Variants in PCDHGA2 observed in about 807,000 individuals in gnomAD.
PCDHGA2 encodes the protein protocadherin gamma-A2.
PCDHGA2 carries 40 observed loss-of-function variants against 59.2 expected under a neutral mutation model. The observed-to-expected ratio is 0.68, with a 90% CI of 0.52 to 0.88. PCDHGA2 has a LOEUF of 0.88. Ranked by LOEUF, PCDHGA2 falls within the 40% of genes least tolerant of loss-of-function variation. The pLI is 0.00. For synonymous variants in PCDHGA2, 560 were observed against 526.0 expected, an observed-to-expected ratio of 1.06 and a Z score of -0.89; for missense variants, 1,226 against 1,204.0, an observed-to-expected ratio of 1.02 and a Z score of -0.27.
At chr5:141,488,978 C>T (rs1346335195) in intron 1 of PCDHGA2, 4 of 388,976 alleles carry the variant, frequency 1.0e-5, no homozygotes, top group African/African-American at 2.1e-5. Flanking sequence ...GCCAATCAGA[C>T]TCAGAGCTGA....
intron 1 of PCDHGA2, chr5:141,342,306 C>G (rs1165066905): frequency 1.3e-5 from 2 of 152,188 alleles, no homozygotes. Flanking sequence ...TTCCCAATCC[C>G]TCACCCAATC....
In PCDHGA2 at chr5:141,404,353, A is replaced by G. The variant is rs778714799; in HGVS notation, c.2424+62958A>G. ...TCTACCTCCCGGAAAACAACGCCAGAGGTACTTCCATCTTCTCCGTGATTG... is the reference window on the plus strand; with the variant it reads ...TCTACCTCCCGGAAAACAACGCCAGGGGTACTTCCATCTTCTCCGTGATTG... On this transcript the variant is annotated intron_variant, in intron 1 of 3. Coordinates refer to ENST00000394576, the MANE Select transcript of PCDHGA2 (RefSeq NM_018915.4). 2.0e-5 allele frequency: 33 copies of G among 1,613,948 alleles called. No individual in the cohort carries two copies. In the Admixed American group the frequency reaches 5.5e-4, roughly 27 times the overall value.
intron 1 of PCDHGA2, chr5:141,430,495 T>C: frequency 3.4e-6 from 1 of 293,400 alleles, no homozygotes; most frequent in Non-Finnish European, 6.2e-6. Context: ...GAAATATCCT[T>C]TCTGGGAGTT....
rs549866784 is a variant in PCDHGA2, at chr5:141,437,490, A to G, written c.2425-57317A>G. ...TTTTATAGCATATTTAATCTCGTAGATCACTTTTCAATGAATTATAAGGCT... is the reference window on the plus strand; with the variant it reads ...TTTTATAGCATATTTAATCTCGTAGGTCACTTTTCAATGAATTATAAGGCT... On this transcript the variant is annotated intron_variant, in intron 1 of 3. Coordinates refer to ENST00000394576, the MANE Select transcript of PCDHGA2 (RefSeq NM_018915.4). 2.0e-5 allele frequency among the ~76,000 whole-genome samples: 3 copies of G among 152,308 alleles called. No homozygotes were observed. In the East Asian group the frequency reaches 5.8e-4, roughly 29 times the overall value.
chr5:141,435,940 G>A (rs2097787697), intron 1 of PCDHGA2, among the ~76,000 whole-genome samples: 1 of 152,066 alleles, frequency 6.6e-6, no homozygotes, highest in Admixed American at 6.5e-5. Flanking sequence ...CTGCTTCTGA[G>A]ACCAAAAAAG....
At chr5:141,379,889 C>CTTTTTTATTTTTTTTTTTTTTTTTTTTTT (rs1775946036) in intron 1 of PCDHGA2, among the ~76,000 whole-genome samples, 1 of 50,830 alleles carries the variant, frequency 2.0e-5, no homozygotes, top group Non-Finnish European at 3.9e-5. Context: ...GTGAAAGCCT[C>CTTTTTTATTTTTTTTTTTTTTTTTTTTTT]TTTTTTTTTT....
chr5:141,473,988 G>A (rs1006988447), intron 1 of PCDHGA2, among the ~76,000 whole-genome samples: 1 of 152,118 alleles, frequency 6.6e-6, no homozygotes, highest in African/African-American at 2.4e-5. Flanking sequence ...AGGATCCCTT[G>A]AGCCCAAGGA....
chr5:141,456,942 A>C (rs11737987), intron 1 of PCDHGA2, among the ~76,000 whole-genome samples: 42,405 of 152,066 alleles, frequency 0.28, 6,638 homozygotes, highest in African/African-American at 0.43. Flanking sequence ...CAGCCTGGGC[A>C]ACAGAGCAAA....
chr5:141,375,769 C>T, intron 1 of PCDHGA2: 1 of 1,614,238 alleles, frequency 6.2e-7, no homozygotes, highest in Non-Finnish European at 8.5e-7. Flanking sequence ...CGCCCGAGAT[C>T]CTGTACCCCG....
rs113107293 is a variant in PCDHGA2, at chr5:141,432,844, A to G, written c.2425-61963A>G. ...CAGACCTCACTCTGTACCTGGTGGTAGCGGTGGCCGCGGTCTCCTGCGTCT... is the reference window on the plus strand; with the variant it reads ...CAGACCTCACTCTGTACCTGGTGGTGGCGGTGGCCGCGGTCTCCTGCGTCT... On this transcript the variant is annotated intron_variant, in intron 1 of 3. Coordinates refer to ENST00000394576, the MANE Select transcript of PCDHGA2 (RefSeq NM_018915.4). This position sits in a 1 kb window ranked among gnomAD's most constrained non-coding sequence, Gnocchi z 6.0. 0.01 allele frequency: 16,860 copies of G among 1,614,178 alleles called. 121 individuals carry two copies. Among genetic ancestry groups the G allele is most frequent in the Non-Finnish European group, 0.012 (14,441 of 1,180,006 alleles).
Position 141,477,203 on chromosome 5 carries a change from G to T in PCDHGA2, c.2425-17604G>T. On this transcript the variant is annotated intron_variant, in intron 1 of 3. Coordinates refer to ENST00000394576, the MANE Select transcript of PCDHGA2 (RefSeq NM_018915.4). The surrounding 1 kb of genome is among the most constrained non-coding windows in gnomAD (Gnocchi z 4.9). ...CACCTCCGTGTACAGCCCAGTACCC[G>T]AGGATGCCCCTCTGGGGACTGTCAT... 1 of 1,614,176 alleles carries T rather than the reference G, an allele frequency of 6.2e-7. No individual in the cohort carries two copies. The highest frequency in any genetic ancestry group is 1.1e-5 in the South Asian group (1 of 91,082).
chr5:141,379,107 T>G (rs74510444), intron 1 of PCDHGA2: 16 of 152,328 alleles, frequency 1.1e-4, no homozygotes, highest in African/African-American at 3.6e-4. Context: ...AAAAAGCAAT[T>G]GAGAAGATAC....
chr5:141,423,150 G>A, intron 1 of PCDHGA2: 1 of 1,613,538 alleles, frequency 6.2e-7, no homozygotes, highest in Non-Finnish European at 8.5e-7. Flanking sequence ...CGCTCAAGCA[G>A]AGCCTCGTGG....
intron 1 of PCDHGA2, among the ~76,000 whole-genome samples, chr5:141,363,030 AT>A (rs749692043): frequency 2.6e-5 from 4 of 152,260 alleles, no homozygotes; most frequent in Non-Finnish European, 4.4e-5. Context: ...ACATTGTCCC[AT>A]TGACTTGAAG....
intron 1 of PCDHGA2, chr5:141,398,485 A>G: frequency 6.2e-7 from 1 of 1,608,602 alleles, no homozygotes; most frequent in Non-Finnish European, 8.5e-7. Context: ...TTATCACGTG[A>G]ATGTGGAGAT....
rs1404153764 is a variant in PCDHGA2 at position 141,364,593 on chromosome 5, G to A, written c.2424+23198G>A. On this transcript the variant is annotated intron_variant, in intron 1 of 3. Transcript: ENST00000394576. ...CGAAGCGGCAGCTTGGTCACCGCGG[G>A]CAGGATAGACCGGGAGGAGCTCTGC... 1.9e-6 allele frequency: 3 copies of A among 1,614,214 alleles called. No homozygotes were observed. The South Asian group carries it at 3.3e-5, about 18-fold the overall frequency.
chr5:141,375,664 C>A (rs766359955), intron 1 of PCDHGA2: 2 of 1,614,256 alleles, frequency 1.2e-6, no homozygotes, highest in East Asian at 4.5e-5. Context: ...AGTTGAGAGA[C>A]CTACAGCTGT....
chr5:141,389,398 T>A, intron 1 of PCDHGA2: 1 of 1,613,654 alleles, frequency 6.2e-7, no homozygotes. Flanking sequence ...TACGTGTCCA[T>A]AAGCGCGGAG....
At chr5:141,376,374 G>C (rs561821467) in intron 1 of PCDHGA2, 10 of 1,614,072 alleles carry the variant, frequency 6.2e-6, no homozygotes, top group African/African-American at 2.7e-5. Flanking sequence ...GCAGACTCGC[G>C]TAAGAGTCAT....
Sources: gnomAD v4.1 joint callset for allele counts (sites outside exome capture counted in the v4.1 genomes callset) on GRCh38, gnomAD v4.1.1 for gene constraint, Gnocchi (gnomAD v3.1) non-coding constraint, MANE v1.5 for transcripts, NCBI Gene and HGNC (gene_info 2026-07-23, HGNC 2026-07-21) for gene names.